The following RAD50 variants were observed in gnomAD, a reference collection of about 807,000 sequenced individuals.
The protein encoded by RAD50 is RAD50 double strand break repair protein.
A neutral mutation model predicts 168.8 loss-of-function variants in RAD50; 132 were observed. That is an observed-to-expected ratio of 0.78 (90% CI 0.68 to 0.90). RAD50 has a LOEUF of 0.90. Ranked by LOEUF, RAD50 falls within the 40% of genes least tolerant of loss-of-function variation. RAD50 has a pLI of 0.00. For missense variants in RAD50, 1,347 were observed against 1,534.4 expected (o/e 0.88, Z 2.04); for synonymous variants, 525 against 497.4 (o/e 1.06, Z -0.74).
chr5:132,638,013 A>C, intron 22 of RAD50, 68 bp from the exon 23 acceptor site: 1 of 1,524,038 alleles, frequency 6.6e-7, no homozygotes, highest in Non-Finnish European at 9.1e-7. Context: ...GGCTTACTTG[A>C]TATGTTTGTA....
chr5:132,582,557 G>A (rs2149838959), intron 5 of RAD50, among the ~76,000 whole-genome samples: 1 of 152,068 alleles, frequency 6.6e-6, no homozygotes, highest in East Asian at 1.9e-4. Context: ...TTATCTTCGG[G>A]AACTCTCACT....
At chr5:132,622,908 A>G (rs1393422132) in intron 21 of RAD50, among the ~76,000 whole-genome samples, 1 of 152,198 alleles carries the variant, frequency 6.6e-6, no homozygotes, top group Non-Finnish European at 1.5e-5. Context: ...GCCTGCATGT[A>G]GGGTTTTTGT....
intron 2 of RAD50, among the ~76,000 whole-genome samples, chr5:132,571,959 A>G (rs6879083): frequency 0.049 from 7,491 of 152,278 alleles, 598 homozygotes; most frequent in African/African-American, 0.17. Flanking sequence ...AAATCTGAGC[A>G]ACTATTTCAG....
At chr5:132,590,338 C>T (rs1211825581) in intron 9 of RAD50, among the ~76,000 whole-genome samples, 5 of 152,064 alleles carry the variant, frequency 3.3e-5, no homozygotes, top group Admixed American at 6.6e-5. Context: ...GGCGTGGTGG[C>T]GTGTGCCTGT....
intron 3 of RAD50, among the ~76,000 whole-genome samples, 184 bp from the exon 4 acceptor site, chr5:132,579,133 C>T (rs561737802): frequency 8.5e-5 from 13 of 152,218 alleles, no homozygotes; most frequent in African/African-American, 2.9e-4. Flanking sequence ...CATATCTTTT[C>T]ATCTGTGAAC....
In RAD50 at chr5:132,645,923, T is replaced by G. The variant is rs546948620; in HGVS notation, c.*3559T>G. ...AACATAGTGACATCCCATCTTTACA[T>G]AAAATTTTTAAAAAATTAGCAAGGC... On this transcript the variant is annotated 3_prime_UTR_variant, in exon 25 of 25. Coordinates refer to ENST00000378823, the MANE Select transcript of RAD50 (RefSeq NM_005732.4). 6.6e-6 allele frequency: 1 copy of G among 152,112 alleles called. No homozygotes were observed. Among genetic ancestry groups the G allele is most frequent in the African/African-American group, 2.4e-5 (1 of 41,466 alleles). 9.4% of individuals were successfully genotyped at this position (152,112 alleles called of 1,614,324 possible).
At chr5:132,572,450 T>G (rs1242437838) in intron 2 of RAD50, among the ~76,000 whole-genome samples, 1 of 152,102 alleles carries the variant, frequency 6.6e-6, no homozygotes, top group Admixed American at 6.6e-5. Context: ...GTAAAAGGAA[T>G]AACAGTGTTT....
chr5:132,602,869 T>G (rs1750913372), intron 13 of RAD50, among the ~76,000 whole-genome samples: 1 of 152,230 alleles, frequency 6.6e-6, no homozygotes, highest in South Asian at 2.1e-4. Context: ...TGTCTTTATC[T>G]TTCATGACCT....
Position 132,595,368 on chromosome 5 carries a change from CA to C in RAD50, c.1970-199del, listed in dbSNP as rs573169500. ...TTTTGTTATACTTATAATGTGTTACCAAAAAATATTTATACAAATCTGAATG... is the reference window on the plus strand; with the variant it reads ...TTTTGTTATACTTATAATGTGTTACCAAAAATATTTATACAAATCTGAATG... On this transcript the variant is annotated intron_variant, in intron 12 of 24. Transcript: ENST00000378823. 6.3e-5 allele frequency: 31 copies of C among 493,500 alleles called. No individual in the cohort carries two copies. The South Asian group carries it at 7.9e-4, about 13-fold the overall frequency. The allele number at this position is 493,500 out of a possible 1,614,324, so 30.6% of individuals were successfully genotyped here.
intron 5 of RAD50, 141 bp from the exon 6 acceptor site, chr5:132,587,421 G>A (rs1465864446): frequency 7.8e-7 from 1 of 1,274,592 alleles, no homozygotes; most frequent in Non-Finnish European, 1.1e-6. Context: ...GTTTCTCTAG[G>A]CCTGCTCTAC....
intron 2 of RAD50, among the ~76,000 whole-genome samples, chr5:132,568,135 A>G (rs1439302933): frequency 1.3e-5 from 2 of 152,026 alleles, no homozygotes; most frequent in East Asian, 3.8e-4. Context: ...CAGTGGCACA[A>G]TCTCGGCTCA....
At chr5:132,614,626 T>C (rs1447365199) in intron 19 of RAD50, among the ~76,000 whole-genome samples, 1 of 152,142 alleles carries the variant, frequency 6.6e-6, no homozygotes, top group African/African-American at 2.4e-5. Flanking sequence ...GCTTTTGATA[T>C]TAATATGTAA....
intron 22 of RAD50, among the ~76,000 whole-genome samples, chr5:132,637,690 A>G (rs6872131): frequency 0.26 from 39,175 of 151,846 alleles, 5,573 homozygotes; most frequent in African/African-American, 0.38. Flanking sequence ...GCGCTCCCAC[A>G]CCTGGCTAAT....
Position 132,558,352 on chromosome 5 carries a change from G to A in RAD50, c.129+899G>A, listed in dbSNP as rs571606728. Among the ~76,000 whole-genome samples, 5 of 152,098 alleles carry A rather than the reference G, an allele frequency of 3.3e-5. No individual in the cohort carries two copies. In the South Asian group the frequency reaches 1.0e-3, roughly 32 times the overall value. Reference sequence around the variant, plus strand: ...TTTTCGCTTCATTTATTAGTTGTCTGATTGTTTGCGAGTGACCTCACTGCT... The same window carrying A: ...TTTTCGCTTCATTTATTAGTTGTCTAATTGTTTGCGAGTGACCTCACTGCT... On this transcript the variant is annotated intron_variant, in intron 1 of 24. Transcript: ENST00000378823.
At chr5:132,622,520 T>C (rs1298638506) in intron 21 of RAD50, among the ~76,000 whole-genome samples, 2 of 152,026 alleles carry the variant, frequency 1.3e-5, no homozygotes, top group South Asian at 2.1e-4. Context: ...ACTCATTTTA[T>C]ACACATTTTA....
chr5:132,633,140 G>A (rs539582159), intron 21 of RAD50, among the ~76,000 whole-genome samples: 12 of 126,078 alleles, frequency 9.5e-5, no homozygotes, highest in African/African-American at 3.5e-4. Context: ...TAGCTCTGTC[G>A]TCCAGGCTGG....
intron 19 of RAD50, 143 bp downstream of exon 19, chr5:132,609,539 T>C: frequency 8.1e-6 from 11 of 1,364,888 alleles, no homozygotes; most frequent in Non-Finnish European, 1.1e-5. Context: ...CCCTGCACTT[T>C]GGAAGGCCGA....
rs1361067013 is a variant in RAD50 at position 132,643,007 on chromosome 5, G to C, written c.*643G>C. ...CTTCTCCTACATATCCCTTCCAGATGGTCATCCAGACTCAGAGCTCTCTCT... is the reference window on the plus strand; with the variant it reads ...CTTCTCCTACATATCCCTTCCAGATCGTCATCCAGACTCAGAGCTCTCTCT... On this transcript the variant is annotated 3_prime_UTR_variant, in exon 25 of 25. Coordinates refer to ENST00000378823, the MANE Select transcript of RAD50 (RefSeq NM_005732.4). 1 of 528,578 alleles carries C rather than the reference G, an allele frequency of 1.9e-6. No individual in the cohort carries two copies. Among genetic ancestry groups the C allele is most frequent in the Admixed American group, 2.3e-5 (1 of 44,324 alleles). The allele number at this position is 528,578 out of a possible 1,614,324, so 32.7% of individuals were successfully genotyped here.
chr5:132,576,633 ATC>A (rs1750405157), intron 3 of RAD50, among the ~76,000 whole-genome samples: 1 of 152,192 alleles, frequency 6.6e-6, no homozygotes, highest in Non-Finnish European at 1.5e-5. Flanking sequence ...ACACTCAAGT[ATC>A]TCTCATACCC....
Sources: gnomAD v4.1 joint callset for allele counts (sites outside exome capture counted in the v4.1 genomes callset) on GRCh38, gnomAD v4.1.1 for gene constraint, MANE v1.5 for transcripts, NCBI Gene and HGNC (gene_info 2026-07-23, HGNC 2026-07-21) for gene names.